MYO3A: variants seen among roughly 807,000 people sequenced by gnomAD.
MYO3A encodes myosin IIIA.
A neutral mutation model predicts 192.7 loss-of-function variants in MYO3A; 180 were observed. That is an observed-to-expected ratio of 0.93 (90% CI 0.83 to 1.06). MYO3A has a LOEUF of 1.06. Ranked by LOEUF, MYO3A falls within the 50% of genes least tolerant of loss-of-function variation. The pLI is 0.00. For missense variants in MYO3A, 1,896 were observed against 1,905.0 expected (o/e 1.00, Z 0.09); for synonymous variants, 628 against 645.3 (o/e 0.97, Z 0.41).
intron 17 of MYO3A, among the ~76,000 whole-genome samples, chr10:26,110,527 G>A (rs74126402): frequency 6.6e-6 from 1 of 152,198 alleles, no homozygotes; most frequent in East Asian, 1.9e-4. Context: ...AGCAGCAAAG[G>A]TTGTCAGGAT....
In MYO3A at chr10:26,181,563, G is replaced by T. The variant is rs79355438; in HGVS notation, c.4438+4718G>T. Among the ~76,000 whole-genome samples, 655 of 152,040 alleles carry T rather than the reference G, an allele frequency of 4.3e-3. 1 individual carries two copies. The highest frequency in any genetic ancestry group is 6.4e-3 in the Non-Finnish European group (437 of 67,942). Reference sequence around the variant, plus strand: ...ACAAGCCATTAATTTATTTACAAAAGAAGAAATACAGATGGAAAATAAGCA... The same window carrying T: ...ACAAGCCATTAATTTATTTACAAAATAAGAAATACAGATGGAAAATAAGCA... On this transcript the variant is annotated intron_variant, in intron 31 of 34. Transcript: ENST00000642920.
At chr10:26,177,725 C>T (rs1173254276) in intron 31 of MYO3A, among the ~76,000 whole-genome samples, 2 of 152,168 alleles carry the variant, frequency 1.3e-5, no homozygotes, top group Non-Finnish European at 2.9e-5. Context: ...CTCACTGCCC[C>T]GTTCAGGGAT....
At chr10:26,181,494 T>G (rs985818699) in intron 31 of MYO3A, among the ~76,000 whole-genome samples, 2 of 152,138 alleles carry the variant, frequency 1.3e-5, no homozygotes, top group Admixed American at 1.3e-4. Context: ...AAAGAGCTCT[T>G]TATAAATCAT....
intron 18 of MYO3A, among the ~76,000 whole-genome samples, chr10:26,123,150 G>A (rs1413881672): frequency 2.0e-5 from 3 of 151,772 alleles, no homozygotes; most frequent in South Asian, 4.2e-4. Context: ...AATATTGAGG[G>A]GAGAAAGGAC....
chr10:26,030,130 C>G (rs1187172039), intron 10 of MYO3A, among the ~76,000 whole-genome samples: 1 of 152,152 alleles, frequency 6.6e-6, no homozygotes, highest in Non-Finnish European at 1.5e-5. Flanking sequence ...ATTCTTCCCA[C>G]CACACCTCGG....
intron 17 of MYO3A, among the ~76,000 whole-genome samples, chr10:26,097,999 T>C (rs528378921): frequency 6.6e-6 from 1 of 152,330 alleles, no homozygotes; most frequent in South Asian, 2.1e-4. Flanking sequence ...CACACTGTTT[T>C]CCACAATGGT....
chr10:25,938,615 CAG>C (rs1399849855), intron 2 of MYO3A, among the ~76,000 whole-genome samples: 1 of 152,102 alleles, frequency 6.6e-6, no homozygotes, highest in East Asian at 1.9e-4. Context: ...AGCAGCTTGA[CAG>C]AAGTGGGTCC....
intron 17 of MYO3A, among the ~76,000 whole-genome samples, chr10:26,120,316 C>A (rs1240534863): frequency 6.6e-6 from 1 of 152,170 alleles, no homozygotes; most frequent in East Asian, 1.9e-4. Flanking sequence ...CATATGGTAA[C>A]AACCACACTA....
chr10:25,963,043 A>G (rs1259932701), intron 4 of MYO3A, among the ~76,000 whole-genome samples: 1 of 152,180 alleles, frequency 6.6e-6, no homozygotes, highest in Non-Finnish European at 1.5e-5. Context: ...AATCTTAGCT[A>G]TAATTGCTCC....
At chr10:25,945,805 G>A (rs868278085) in intron 2 of MYO3A, among the ~76,000 whole-genome samples, 5 of 152,024 alleles carry the variant, frequency 3.3e-5, no homozygotes, top group East Asian at 1.9e-4. Flanking sequence ...ATGTTATAAC[G>A]TTTTTGTTAC....
At chr10:25,991,345 C>A (rs1840016435) in intron 4 of MYO3A, among the ~76,000 whole-genome samples, 1 of 152,152 alleles carries the variant, frequency 6.6e-6, no homozygotes, top group Admixed American at 6.5e-5. Context: ...CCTTCGCCCA[C>A]TTGTTGATGG....
chr10:26,154,662 C>A, intron 24 of MYO3A, 84 bp from the exon 25 acceptor site: 1 of 1,246,882 alleles, frequency 8.0e-7, no homozygotes, highest in Non-Finnish European at 1.2e-6. Flanking sequence ...ACTAAGATAG[C>A]CTGAAGGAAA....
intron 5 of MYO3A, among the ~76,000 whole-genome samples, chr10:25,996,890 A>G (rs77379041): frequency 0.043 from 6,553 of 152,286 alleles, 173 homozygotes; most frequent in Middle Eastern, 0.068. Context: ...TTAGATAGGT[A>G]TATGAAATAT....
At chr10:25,983,844 T>A (rs1334369839) in intron 4 of MYO3A, among the ~76,000 whole-genome samples, 2 of 152,168 alleles carry the variant, frequency 1.3e-5, no homozygotes, top group Non-Finnish European at 2.9e-5. Flanking sequence ...GGAAAGAATC[T>A]TAAGAGCTGT....
At chr10:26,147,406 A>C (rs1840536013) in intron 22 of MYO3A, 24 bp from the exon 23 acceptor site, 4 of 1,601,396 alleles carry the variant, frequency 2.5e-6, no homozygotes, top group Non-Finnish European at 3.4e-6. Flanking sequence ...TGATTGTGAT[A>C]ATTATAGCAT....
At chr10:25,937,435 A>T (rs1271261929) in intron 2 of MYO3A, among the ~76,000 whole-genome samples, 2 of 152,244 alleles carry the variant, frequency 1.3e-5, no homozygotes, top group African/African-American at 4.8e-5. Flanking sequence ...TTTGAAAAGG[A>T]GAATAATCCT....
intron 33 of MYO3A, among the ~76,000 whole-genome samples, chr10:26,202,223 G>C (rs11014996): frequency 0.18 from 27,475 of 152,152 alleles, 2,742 homozygotes; most frequent in East Asian, 0.32. Context: ...AGTGAACACA[G>C]TTCTTTATTT....
At chr10:26,101,573 C>T (rs1435506657) in intron 17 of MYO3A, among the ~76,000 whole-genome samples, 2 of 152,140 alleles carry the variant, frequency 1.3e-5, no homozygotes, top group Admixed American at 6.5e-5. Context: ...CCTTCAGGAG[C>T]TCTTGTAAGG....
intron 34 of MYO3A, among the ~76,000 whole-genome samples, chr10:26,208,970 C>G (rs1330573): frequency 0.39 from 59,843 of 152,042 alleles, 14,824 homozygotes; most frequent in African/African-American, 0.71. Context: ...CCTTAGGCAG[C>G]CCCTTAGTTA....
Sources: allele counts gnomAD v4.1 joint callset (sites outside exome capture counted in the v4.1 genomes callset), GRCh38; gene constraint gnomAD v4.1.1; transcripts MANE v1.5; gene names NCBI Gene and HGNC (gene_info 2026-07-23, HGNC 2026-07-21).